Variants in HMGCLL1 observed in about 807,000 individuals in gnomAD.
The protein encoded by HMGCLL1 is 3-hydroxymethyl-3-methylglutaryl-CoA lyase, cytoplasmic.
Under a neutral mutation model 39.1 loss-of-function variants are expected in HMGCLL1, and 36 were observed. The observed-to-expected ratio is 0.92, with a 90% CI of 0.71 to 1.22. HMGCLL1 has a LOEUF of 1.22. Among genes scored for constraint, HMGCLL1 ranks in the 50% most tolerant of loss-of-function variants. The probability of loss-of-function intolerance (pLI) is 0.00; values close to 1 mark genes in which losing one functional copy is unlikely to be tolerated. For missense variants in HMGCLL1, 451 were observed against 416.5 expected (o/e 1.08, Z -0.72); for synonymous variants, 149 against 144.0 (o/e 1.03, Z -0.25).
intron 7 of HMGCLL1, among the ~76,000 whole-genome samples, chr6:55,459,253 T>A (rs1345528439): frequency 6.6e-6 from 1 of 152,108 alleles, no homozygotes; most frequent in Admixed American, 6.6e-5. Flanking sequence ...CAACTTAGAA[T>A]CTAGTAGAAA....
chr6:55,592,070 G>C, the HMGCLL1 span, among the ~76,000 whole-genome samples: 3 of 151,876 alleles, frequency 2.0e-5, no homozygotes, highest in African/African-American at 7.2e-5. Context: ...CTTAAAGCTT[G>C]AAATTACCCC....
the HMGCLL1 span, among the ~76,000 whole-genome samples, chr6:55,591,382 G>A: frequency 6.6e-6 from 1 of 151,914 alleles, no homozygotes; most frequent in African/African-American, 2.4e-5. Context: ...TTAAACTTTA[G>A]TTCTAGGTCT....
the HMGCLL1 span, among the ~76,000 whole-genome samples, chr6:55,594,366 G>A: frequency 6.6e-6 from 1 of 152,054 alleles, no homozygotes; most frequent in Non-Finnish European, 1.5e-5. Flanking sequence ...CTACTGTTCA[G>A]AATTTCCTGA....
At chr6:55,503,573 A>C in intron 5 of HMGCLL1, among the ~76,000 whole-genome samples, 2 of 151,574 alleles carry the variant, frequency 1.3e-5, no homozygotes, top group East Asian at 1.9e-4. Context: ...GGGTTAGCTA[A>C]GTCCTCCATA....
In HMGCLL1 at chr6:55,539,999, AG is replaced by A. The variant is rs1286038185; in HGVS notation, c.297+1729del. On this transcript the variant is annotated intron_variant, in intron 3 of 8. Coordinates refer to ENST00000274901, the MANE Select transcript of HMGCLL1 (RefSeq NM_001042406.2). ...AAGGAAGGAAGGAAGGAAGGAAGGG[AG>A]GGAGGGAGGGAGGGAGGGAGGGAGG... is the stretch of plus-strand genomic sequence containing the variant. Among the ~76,000 whole-genome samples, 34 of 6,526 alleles carry A rather than the reference AG, an allele frequency of 5.2e-3. 1 individual carries two copies. The highest frequency in any genetic ancestry group is 0.017 in the African/African-American group (32 of 1,850). The allele number at this position is 6,526 out of a possible 152,430, so 4.3% of individuals were successfully genotyped here.
At chr6:55,474,519 TTTGCATG>T (rs897430129) in intron 7 of HMGCLL1, among the ~76,000 whole-genome samples, 1 of 151,572 alleles carries the variant, frequency 6.6e-6, no homozygotes, top group African/African-American at 2.4e-5. Flanking sequence ...CCGTCTCTTT[TTTGCATG>T]TTGTCTACTT....
At chr6:55,486,110 T>C (rs572302449) in intron 7 of HMGCLL1, among the ~76,000 whole-genome samples, 1 of 149,558 alleles carries the variant, frequency 6.7e-6, no homozygotes, top group Non-Finnish European at 1.5e-5. Context: ...TATGTGTGTG[T>C]GTGTATATAT....
the HMGCLL1 span, among the ~76,000 whole-genome samples, chr6:55,612,461 A>G: frequency 2.0e-5 from 3 of 152,288 alleles, no homozygotes; most frequent in African/African-American, 7.2e-5. Flanking sequence ...TTTAAAATCC[A>G]TGTGGAACCA....
At chr6:55,456,550 A>G (rs1764329579) in intron 7 of HMGCLL1, among the ~76,000 whole-genome samples, 1 of 152,152 alleles carries the variant, frequency 6.6e-6, no homozygotes, top group African/African-American at 2.4e-5. Context: ...TTCCTTCAGG[A>G]TGCATTTCCC....
At chr6:55,576,408 C>T (rs1036400505) in intron 1 of HMGCLL1, among the ~76,000 whole-genome samples, 4 of 152,102 alleles carry the variant, frequency 2.6e-5, no homozygotes, top group Admixed American at 6.5e-5. Flanking sequence ...GATGATGTTG[C>T]TGAGAGATGC....
chr6:55,562,332 C>A (rs1770989387), intron 1 of HMGCLL1, among the ~76,000 whole-genome samples: 1 of 151,952 alleles, frequency 6.6e-6, no homozygotes, highest in Admixed American at 6.6e-5. Flanking sequence ...TTAAATTTTT[C>A]TATCCTTCTT....
At chr6:55,642,705 T>A in the HMGCLL1 span, among the ~76,000 whole-genome samples, 5 of 151,748 alleles carry the variant, frequency 3.3e-5, no homozygotes, top group African/African-American at 1.2e-4. Context: ...TGTCACGGGG[T>A]TTTGTTGTAC....
At chr6:55,525,915 G>A (rs1159126255) in intron 3 of HMGCLL1, among the ~76,000 whole-genome samples, 1 of 151,868 alleles carries the variant, frequency 6.6e-6, no homozygotes, top group Non-Finnish European at 1.5e-5. Flanking sequence ...TTTACAATGA[G>A]CATTATTATG....
the HMGCLL1 span, among the ~76,000 whole-genome samples, chr6:55,649,923 C>CT: frequency 1.3e-5 from 2 of 150,696 alleles, no homozygotes; most frequent in African/African-American, 4.9e-5. Flanking sequence ...TTTAGAATTT[C>CT]TGCTTGATTG....
the HMGCLL1 span, among the ~76,000 whole-genome samples, chr6:55,586,951 G>A: frequency 6.6e-6 from 1 of 152,064 alleles, no homozygotes; most frequent in Non-Finnish European, 1.5e-5. Flanking sequence ...TCTAGTTCTA[G>A]ATCCCTGAGG....
chr6:55,562,799 A>G (rs181783645), intron 1 of HMGCLL1, among the ~76,000 whole-genome samples: 1 of 152,166 alleles, frequency 6.6e-6, no homozygotes, highest in East Asian at 1.9e-4. Context: ...TTTCTCATAC[A>G]TACCCAATTT....
intron 1 of HMGCLL1, 140 bp from the exon 2 acceptor site, chr6:55,542,280 T>C (rs1769485354): frequency 9.4e-6 from 5 of 529,740 alleles, no homozygotes; most frequent in South Asian, 3.3e-5. Flanking sequence ...AATGATATCA[T>C]GAAAATGCAC....
At chr6:55,620,660 C>CAT in the HMGCLL1 span, among the ~76,000 whole-genome samples, 2 of 151,892 alleles carry the variant, frequency 1.3e-5, no homozygotes, top group Non-Finnish European at 2.9e-5. Flanking sequence ...CACAGACACA[C>CAT]ACACACACAC....
At chr6:55,612,368 C>T in the HMGCLL1 span, among the ~76,000 whole-genome samples, 1 of 152,122 alleles carries the variant, frequency 6.6e-6, no homozygotes, top group South Asian at 2.1e-4. Flanking sequence ...AATGGCCATA[C>T]TGTCCAAAGT....
Sources: allele counts gnomAD v4.1 joint callset (sites outside exome capture counted in the v4.1 genomes callset), GRCh38; gene constraint gnomAD v4.1.1; transcripts MANE v1.5; gene names NCBI Gene and HGNC (gene_info 2026-07-23, HGNC 2026-07-21).